The following IMPG2 variants were observed in gnomAD, a reference collection of about 807,000 sequenced individuals.
The protein encoded by IMPG2 is IPM 200.
A neutral mutation model predicts 129.2 loss-of-function variants in IMPG2; 91 were observed. The ratio of observed to expected loss-of-function variants is 0.70; its 90% confidence interval spans 0.59 to 0.84. IMPG2 has a LOEUF of 0.84. IMPG2 is among the 40% of genes least tolerant of loss of function. The pLI is 0.00. For synonymous variants in IMPG2, 510 were observed against 517.7 expected (o/e 0.99, Z 0.20); for missense variants, 1,430 against 1,461.7 (o/e 0.98, Z 0.35).
intron 2 of IMPG2, 65 bp from the exon 3 acceptor site, chr3:101,304,377 T>C (rs1216122773): frequency 2.2e-6 from 3 of 1,386,056 alleles, no homozygotes; most frequent in East Asian, 2.3e-5. Flanking sequence ...ACAATGATCA[T>C]AGACTGATTC....
chr3:101,289,629 G>A (rs1180571458), intron 4 of IMPG2, among the ~76,000 whole-genome samples: 2 of 152,062 alleles, frequency 1.3e-5, no homozygotes, highest in Non-Finnish European at 2.9e-5. Context: ...GCTGGGCACA[G>A]GCCTAACTGT....
intron 12 of IMPG2, 34 bp downstream of exon 12, chr3:101,245,768 A>G (rs1373537131): frequency 2.5e-6 from 4 of 1,590,062 alleles, no homozygotes; most frequent in African/African-American, 2.7e-5. Context: ...ATCGGATACA[A>G]TAAGAAGTAC....
At chr3:101,314,577 C>T (rs1446837795) in intron 2 of IMPG2, among the ~76,000 whole-genome samples, 1 of 152,142 alleles carries the variant, frequency 6.6e-6, no homozygotes, top group South Asian at 2.1e-4. Context: ...TAACTAACTT[C>T]TATCACCCCA....
chr3:101,271,632 T>C (rs900040137), intron 7 of IMPG2, among the ~76,000 whole-genome samples: 3 of 152,166 alleles, frequency 2.0e-5, no homozygotes, highest in African/African-American at 4.8e-5. Context: ...CAATCCCAGA[T>C]CTCTCTAACA....
In IMPG2 at chr3:101,243,765, G is replaced by A. The variant is rs1706436657; in HGVS notation, c.2566C>T (p.Gln856Ter). The A allele has an allele frequency of 1.2e-6, 2 of 1,613,736 alleles. No homozygotes were observed. Among genetic ancestry groups the A allele is most frequent in the Non-Finnish European group, 1.7e-6 (2 of 1,179,746 alleles). Residue 856 changes from glutamine (Q) to a stop codon, truncating the protein, a stop_gained, in exon 13 of 19, where the codon CAA becomes TAA. Coordinates refer to ENST00000193391, the MANE Select transcript of IMPG2 (RefSeq NM_016247.4). LOFTEE classifies it high-confidence loss of function. ...CTACCAACCTTGCCATTTTGCTCTT[G>A]GACTTGCTCAGGCTGATAGTAATCT... ...GTDYYQPEQV[Q>*]EQNGKVGSYV...
chr3:101,299,638 C>T (rs530401427), intron 3 of IMPG2, among the ~76,000 whole-genome samples: 2 of 152,194 alleles, frequency 1.3e-5, no homozygotes, highest in East Asian at 3.9e-4. Flanking sequence ...GTTTTTCTTG[C>T]AATGGTCAGG....
rs1407504774 is a variant in IMPG2, at chr3:101,244,469, G to A, written c.1862C>T (p.Ser621Leu). Residue 621 changes from serine to leucine, a missense_variant, in exon 13 of 19, where the codon TCA becomes TTA. By Grantham distance (145) the Ser-to-Leu change is moderately radical. Coordinates refer to ENST00000193391, the MANE Select transcript of IMPG2 (RefSeq NM_016247.4). ...GGACAGTGGTTCAGCGCTCTTCTCT[G>A]ATGAAGTCTCACTCCATGGCCAAGT... The part of the protein sequence containing the change: ...LITWPWSETS[S>L]EKSAEPLSKP... 11 of 1,613,958 alleles carry A rather than the reference G, an allele frequency of 6.8e-6. No homozygotes were observed. The highest frequency in any genetic ancestry group is 8.5e-6 in the Non-Finnish European group (10 of 1,179,970).
chr3:101,273,622 T>C lies in IMPG2; in HGVS notation c.787A>G (p.Ser263Gly), dbSNP rs1706810524. The C allele has an allele frequency of 6.2e-7, 1 of 1,614,144 alleles. No individual in the cohort carries two copies. Among genetic ancestry groups the C allele is most frequent in the Non-Finnish European group, 8.5e-7 (1 of 1,180,006 alleles). The change falls in exon 7 of 19, where the codon AGC (serine) becomes GGC (glycine). Residue 263 changes from serine (S) to glycine (G), a missense_variant. Ser to Gly is a moderately conservative substitution (Grantham distance 56). Coordinates refer to ENST00000193391, the MANE Select transcript of IMPG2 (RefSeq NM_016247.4). ...TCTTCAAGGTGCTGGTGGTGAAAGC[T>C]GGAGGAATCCTGTAGTTCTTCCCTG... Reference protein sequence around the residue: ...QYREELQDSSSFHHQHLEEEF... With the variant: ...QYREELQDSSGFHHQHLEEEF...
intron 4 of IMPG2, among the ~76,000 whole-genome samples, chr3:101,289,689 C>A (rs1362583504): frequency 6.6e-6 from 1 of 151,800 alleles, no homozygotes; most frequent in East Asian, 1.9e-4. Context: ...CAATGAGGAA[C>A]TATTAAATTG....
intron 11 of IMPG2, among the ~76,000 whole-genome samples, chr3:101,252,033 C>CA (rs1213284439): frequency 2.0e-5 from 3 of 152,132 alleles, no homozygotes; most frequent in Non-Finnish European, 4.4e-5. Context: ...AATCACTATT[C>CA]AAAAAAGAAA....
chr3:101,292,366 C>G (rs1245432486), intron 3 of IMPG2, among the ~76,000 whole-genome samples: 4 of 152,140 alleles, frequency 2.6e-5, no homozygotes, highest in Admixed American at 2.0e-4. Flanking sequence ...CCCAATAAAG[C>G]AAGTCACATA....
chr3:101,282,130 A>G (rs556053668), intron 4 of IMPG2, among the ~76,000 whole-genome samples: 17 of 152,362 alleles, frequency 1.1e-4, no homozygotes, highest in Admixed American at 6.5e-4. Flanking sequence ...AATGGGAGTT[A>G]ATGGAGTAGT....
chr3:101,256,675 G>C (rs1706614020), intron 10 of IMPG2, among the ~76,000 whole-genome samples: 1 of 152,108 alleles, frequency 6.6e-6, no homozygotes, highest in Non-Finnish European at 1.5e-5. Flanking sequence ...AGCTAGAGAG[G>C]CTGTAAAAAT....
chr3:101,237,150 C>A (rs1463536416), intron 14 of IMPG2, among the ~76,000 whole-genome samples: 1 of 152,160 alleles, frequency 6.6e-6, no homozygotes, highest in Non-Finnish European at 1.5e-5. Context: ...GCCTCTGTAG[C>A]CAGATTGCCT....
intron 2 of IMPG2, among the ~76,000 whole-genome samples, chr3:101,307,133 T>C (rs900133614): frequency 6.6e-6 from 1 of 152,204 alleles, no homozygotes; most frequent in Non-Finnish European, 1.5e-5. Context: ...AATGAGTATG[T>C]GAAAAACTGT....
intron 2 of IMPG2, among the ~76,000 whole-genome samples, chr3:101,311,586 C>T (rs1009269086): frequency 2.6e-5 from 4 of 152,004 alleles, no homozygotes; most frequent in East Asian, 1.9e-4. Flanking sequence ...AATGGAAAAA[C>T]GTCCCATATT....
intron 16 of IMPG2, among the ~76,000 whole-genome samples, chr3:101,230,335 CA>C (rs1034266811): frequency 1.3e-5 from 2 of 152,196 alleles, no homozygotes; most frequent in African/African-American, 4.8e-5. Context: ...ATTTCCCCAT[CA>C]ATGAAGCAAC....
intron 2 of IMPG2, among the ~76,000 whole-genome samples, chr3:101,311,629 G>A (rs1414853993): frequency 1.3e-5 from 2 of 152,072 alleles, no homozygotes; most frequent in African/African-American, 2.4e-5. Flanking sequence ...TGTTGAGATG[G>A]CATTATCTCC....
At position 101,275,685 on chromosome 3, in the gene IMPG2, C is replaced by T; in HGVS notation, c.644G>A (p.Ser215Asn). Residue 215 changes from serine (S) to asparagine (N), a missense_variant, in exon 6 of 19, where the codon AGC becomes AAC. Transcript: ENST00000193391. ...CACACTCTCCTCTGGCCTTTCCAAG[C>T]TGCTCTCTGAGGCACCTTCATAGGC... ...VDAYEGASES[S>N]LERPEESISN... 1.2e-6 allele frequency: 2 copies of T among 1,613,664 alleles called. No homozygotes were observed. Among genetic ancestry groups the T allele is most frequent in the Non-Finnish European group, 1.7e-6 (2 of 1,179,558 alleles).
Sources: gnomAD v4.1 joint callset for allele counts (sites outside exome capture counted in the v4.1 genomes callset) on GRCh38, gnomAD v4.1.1 for gene constraint, MANE v1.5 for transcripts, NCBI Gene and HGNC (gene_info 2026-07-23, HGNC 2026-07-21) for gene names.